Variants in M1AP observed in about 807,000 individuals in gnomAD.
M1AP encodes meiosis 1 arrest protein.
In M1AP, 39 loss-of-function variants were observed where a neutral mutation model predicts 51.2. The ratio of observed to expected loss-of-function variants is 0.76; its 90% confidence interval spans 0.59 to 1.00. The LOEUF (loss-of-function observed/expected upper bound fraction) is 1.00. M1AP is among the 50% of genes least tolerant of loss of function. The pLI is 0.00. For synonymous variants in M1AP, 251 were observed against 249.2 expected, an observed-to-expected ratio of 1.01 and a Z score of -0.07; for missense variants, 545 against 641.2, an observed-to-expected ratio of 0.85 and a Z score of 1.62.
chr2:74,612,864 T>C (rs1054248866), intron 3 of M1AP, among the ~76,000 whole-genome samples: 4 of 152,144 alleles, frequency 2.6e-5, no homozygotes, highest in Non-Finnish European at 5.9e-5. Flanking sequence ...ATTATTCAAA[T>C]GTTTCTTCTG....
chr2:74,626,660 G>T (rs551851550), intron 2 of M1AP, among the ~76,000 whole-genome samples: 2 of 151,582 alleles, frequency 1.3e-5, no homozygotes, highest in East Asian at 3.9e-4. Flanking sequence ...TACTTGTATA[G>T]TTTATTTTTA....
intron 10 of M1AP, among the ~76,000 whole-genome samples, chr2:74,559,279 C>T (rs1336291933): frequency 6.6e-6 from 1 of 152,176 alleles, no homozygotes; most frequent in Non-Finnish European, 1.5e-5. Flanking sequence ...CGACCTTAGC[C>T]TCCCAAGTAG....
At chr2:74,630,875 G>A (rs1160908251) in intron 2 of M1AP, among the ~76,000 whole-genome samples, 1 of 152,122 alleles carries the variant, frequency 6.6e-6, no homozygotes, top group Admixed American at 6.5e-5. Flanking sequence ...GGGTCAAAGG[G>A]TATTTCTCAG....
chr2:74,639,159 T>C (rs1558700155), intron 2 of M1AP, among the ~76,000 whole-genome samples: 1 of 152,212 alleles, frequency 6.6e-6, no homozygotes, highest in East Asian at 1.9e-4. Context: ...TATATATTAT[T>C]TTCATTCTTT....
chr2:74,602,843 TAG>T (rs1680750076), intron 4 of M1AP, among the ~76,000 whole-genome samples: 1 of 152,158 alleles, frequency 6.6e-6, no homozygotes, highest in Admixed American at 6.5e-5. Flanking sequence ...CTGACACAGG[TAG>T]AAAGCTGCTT....
At chr2:74,646,903 CTG>C (rs745451118) in intron 1 of M1AP, among the ~76,000 whole-genome samples, 4 of 152,300 alleles carry the variant, frequency 2.6e-5, no homozygotes, top group Non-Finnish European at 4.4e-5. Context: ...AATTGGAAGA[CTG>C]TATTTTAAAT....
At chr2:74,648,059 G>C in intron 1 of M1AP, 1 of 985,478 alleles carries the variant, frequency 1.0e-6, no homozygotes, top group South Asian at 4.7e-5. Context: ...AGGCCTGGCC[G>C]CCCAGAACAG....
At position 74,581,846 on chromosome 2, in the gene M1AP, C is replaced by G. The variant is rs1558658774; in HGVS notation, c.597G>C (p.Glu199Asp). 4.4e-6 allele frequency: 7 copies of G among 1,608,724 alleles called. No homozygotes were observed. In the South Asian group the frequency reaches 6.6e-5, roughly 15 times the overall value. Reference sequence around the variant, plus strand: ...CAATGTCAGTTCCCAGAATAGAACTCTCTGCAAAAGAAAGGGAAATAAAGT... The same window carrying G: ...CAATGTCAGTTCCCAGAATAGAACTGTCTGCAAAAGAAAGGGAAATAAAGT... ...ASPVEDTSND[E>D]SSILGTDIDL... Residue 199 changes from glutamate to aspartate, a missense_variant and splice_region_variant, in exon 5 of 11, where the codon GAG (glutamate) becomes GAC (aspartate). Transcript: ENST00000421985.
chr2:74,647,227 TC>T, intron 1 of M1AP: 1 of 985,242 alleles, frequency 1.0e-6, no homozygotes, highest in Non-Finnish European at 1.2e-6. Flanking sequence ...TGCCCAACTC[TC>T]CATCCTCACA....
chr2:74,604,346 T>C (rs545223396), intron 4 of M1AP, among the ~76,000 whole-genome samples: 2 of 152,306 alleles, frequency 1.3e-5, no homozygotes, highest in Admixed American at 6.5e-5. Flanking sequence ...GTCCCCAAAC[T>C]TTTTGGCATG....
intron 9 of M1AP, 72 bp from the exon 10 acceptor site, chr2:74,559,781 A>G (rs1228399867): frequency 1.4e-6 from 1 of 711,178 alleles, no homozygotes; most frequent in Non-Finnish European, 2.6e-6. Context: ...CTGGTGCTCT[A>G]TAAATATTAA....
intron 1 of M1AP, among the ~76,000 whole-genome samples, chr2:74,647,755 G>C (rs866505916): frequency 6.6e-6 from 1 of 152,176 alleles, no homozygotes; most frequent in Non-Finnish European, 1.5e-5. Flanking sequence ...TTAGCCAGGC[G>C]TGGTGGCGGG....
intron 7 of M1AP, among the ~76,000 whole-genome samples, chr2:74,571,611 GAA>G (rs1375684865): frequency 6.6e-6 from 1 of 152,192 alleles, no homozygotes; most frequent in East Asian, 1.9e-4. Flanking sequence ...TGAAGTTTGT[GAA>G]AAGTTTGTAC....
chr2:74,640,839 G>A (rs1320968242), intron 1 of M1AP, among the ~76,000 whole-genome samples: 1 of 152,170 alleles, frequency 6.6e-6, no homozygotes, highest in Admixed American at 6.5e-5. Flanking sequence ...GATGCTGAGT[G>A]GAACTAATCA....
At chr2:74,630,513 T>A (rs891764685) in intron 2 of M1AP, among the ~76,000 whole-genome samples, 3 of 152,176 alleles carry the variant, frequency 2.0e-5, no homozygotes, top group African/African-American at 7.2e-5. Flanking sequence ...CCCCAGTGTG[T>A]GTTGTTCCCC....
chr2:74,631,244 G>C (rs1320930272), intron 2 of M1AP, among the ~76,000 whole-genome samples: 1 of 152,056 alleles, frequency 6.6e-6, no homozygotes, highest in Non-Finnish European at 1.5e-5. Context: ...TCACTTTACT[G>C]TATATTTTAT....
chr2:74,619,243 T>C (rs371026162), intron 2 of M1AP: 26 of 210,004 alleles, frequency 1.2e-4, no homozygotes, highest in African/African-American at 4.4e-4. Context: ...GATGGCTTTT[T>C]GGTAAAAACC....
chr2:74,642,194 G>GA (rs1683335320), intron 1 of M1AP, among the ~76,000 whole-genome samples: 3 of 151,160 alleles, frequency 2.0e-5, no homozygotes, highest in African/African-American at 7.3e-5. Context: ...GGTGTAATAA[G>GA]AAAAAAATTA....
chr2:74,598,972 T>A (rs545974703), intron 4 of M1AP, among the ~76,000 whole-genome samples: 1 of 152,170 alleles, frequency 6.6e-6, no homozygotes, highest in South Asian at 2.1e-4. Flanking sequence ...AATGTAGTTA[T>A]ACTTATCAAT....
Sources: allele counts gnomAD v4.1 joint callset (sites outside exome capture counted in the v4.1 genomes callset), GRCh38; gene constraint gnomAD v4.1.1; transcripts MANE v1.5; gene names NCBI Gene and HGNC (gene_info 2026-07-23, HGNC 2026-07-21).